SLC11A1: variants seen among roughly 807,000 people sequenced by gnomAD.
SLC11A1 encodes natural resistance-associated macrophage protein 1.
In SLC11A1, 59 loss-of-function variants were observed where a neutral mutation model predicts 63.2. That is an observed-to-expected ratio of 0.93 (90% CI 0.76 to 1.16). The LOEUF (loss-of-function observed/expected upper bound fraction) is 1.16, where lower values mean the gene tolerates loss of function less well. Ranked by LOEUF, SLC11A1 falls within the 50% of genes most tolerant of loss-of-function variation. The pLI is 0.00. For missense variants in SLC11A1, 688 were observed against 730.7 expected (o/e 0.94, Z 0.67); for synonymous variants, 305 against 307.8 (o/e 0.99, Z 0.09).
intron 11 of SLC11A1, among the ~76,000 whole-genome samples, chr2:218,391,947 G>A (rs369558446): frequency 1.1e-4 from 17 of 152,120 alleles, no homozygotes; most frequent in African/African-American, 3.9e-4. Context: ...TAGTAGAGAC[G>A]CAGTTTTGCT....
intron 4 of SLC11A1, 78 bp from the exon 5 acceptor site, chr2:218,386,557 G>A: frequency 3.1e-6 from 3 of 980,140 alleles, no homozygotes; most frequent in Non-Finnish European, 4.7e-6. Context: ...TGTAGTCTGA[G>A]ACGACAGACA....
rs746268442 is a variant in SLC11A1 at position 218,384,382 on chromosome 2, C to T, written c.273+17C>T. ...GGATTCAAAGTAACTAAGTCGGGAC[C>T]TGAGTGGGGACACTTTCGAGAGGGA... On this transcript the variant is annotated intron_variant, in intron 3 of 14. Coordinates refer to ENST00000233202, the MANE Select transcript of SLC11A1 (RefSeq NM_000578.4). The surrounding 1 kb of genome is among the most constrained non-coding windows in gnomAD (Gnocchi z 4.0). The T allele has an allele frequency of 6.3e-7, 1 of 1,590,580 alleles. No homozygotes were observed. Among genetic ancestry groups the T allele is most frequent in the Non-Finnish European group, 8.6e-7 (1 of 1,163,292 alleles).
intron 8 of SLC11A1, chr2:218,388,192 AC>A (rs1696222224): frequency 2.1e-6 from 1 of 480,170 alleles, no homozygotes; most frequent in Admixed American, 4.0e-5. Context: ...ACATGGCGAA[AC>A]CCCGTCTCTA....
At position 218,384,983 on chromosome 2, in the gene SLC11A1, A is replaced by T; in HGVS notation, c.274-164A>T. On this transcript the variant is annotated intron_variant, in intron 3 of 14. Transcript: ENST00000233202. This position sits in a 1 kb window ranked among gnomAD's most constrained non-coding sequence, Gnocchi z 4.0. Reference sequence around the variant, plus strand: ...AGCAATCCTCCCACCTTAGCCTTTTAAAGTGCTGGGATTACAGGGTGAGCT... The same window carrying T: ...AGCAATCCTCCCACCTTAGCCTTTTTAAGTGCTGGGATTACAGGGTGAGCT... 1.2e-6 allele frequency: 1 copy of T among 837,796 alleles called. No individual in the cohort carries two copies. Among genetic ancestry groups the T allele is most frequent in the Non-Finnish European group, 1.8e-6 (1 of 546,896 alleles). The allele number at this position is 837,796 out of a possible 1,614,324, so 51.9% of individuals were successfully genotyped here. A position where few individuals can be genotyped will look rare whatever the true frequency, so the allele number is the denominator to read the frequency against.
In SLC11A1 at chr2:218,382,354, G is replaced by A; in HGVS notation, c.-15G>A. 1 of 1,613,336 alleles carries A rather than the reference G, an allele frequency of 6.2e-7. No individual in the cohort carries two copies. The highest frequency in any genetic ancestry group is 8.5e-7 in the Non-Finnish European group (1 of 1,179,526). On this transcript the variant is annotated 5_prime_UTR_variant, in exon 1 of 15. Transcript: ENST00000233202. ...CACCGCTCACACTCCCAGAGTACCT[G>A]AAGTCGGCATTTCAATGACAGGTGA...
rs747501438 is a variant in SLC11A1, at chr2:218,394,101, C to A, written c.1315-19C>A. On this transcript the variant is annotated intron_variant, in intron 12 of 14. Transcript: ENST00000233202. The stretch of plus-strand genomic sequence containing the variant: ...CTGAGGCAGAATTCCTCAGCCTAGG[C>A]TCCTGCTGCTCTCCCCAGCTCCCGT... The A allele has an allele frequency of 6.2e-7, 1 of 1,613,762 alleles. No homozygotes were observed. The highest frequency in any genetic ancestry group is 1.1e-5 in the South Asian group (1 of 91,050).
At chr2:218,393,474 ATTTTTTTTTT>A (rs34589602) in intron 12 of SLC11A1, among the ~76,000 whole-genome samples, 1 of 130,368 alleles carries the variant, frequency 7.7e-6, no homozygotes, top group Non-Finnish European at 1.6e-5. Context: ...CACCCAGCTA[ATTTTTTTTTT>A]TTTTTTTTTG....
In SLC11A1 at chr2:218,386,694, G is replaced by C. The variant is rs764502812; in HGVS notation, c.453G>C (p.Gln151His). 1.9e-6 allele frequency: 3 copies of C among 1,614,116 alleles called. No individual in the cohort carries two copies. In the East Asian group the frequency reaches 6.7e-5, roughly 36 times the overall value. ...TAGCCATTGTGGGCTCCGACATGCA[G>C]GAAGTCATCGGCACGGCCATTGCAT... ...IELAIVGSDM[Q>H]EVIGTAIAFN... Residue 151 changes from glutamine (Q) to histidine (H), a missense_variant, in exon 5 of 15, where the codon CAG becomes CAC. Gln to His is a conservative substitution (Grantham distance 24). Transcript: ENST00000233202.
chr2:218,390,073 T>C (rs746328705), intron 9 of SLC11A1, 45 bp downstream of exon 9: 3 of 1,579,244 alleles, frequency 1.9e-6, no homozygotes, highest in Non-Finnish European at 2.6e-6. Context: ...CACGTACTCA[T>C]GTCCTGTAAG....
At chr2:218,383,275 G>T (rs947401497) in intron 2 of SLC11A1, 173 bp downstream of exon 2, 2 of 642,534 alleles carry the variant, frequency 3.1e-6, no homozygotes, top group Non-Finnish European at 2.7e-6. Flanking sequence ...CCAGTGCTTA[G>T]CTGGGGTGCT....
At chr2:218,390,443 C>A (rs1041942662) in intron 9 of SLC11A1, among the ~76,000 whole-genome samples, 2 of 152,236 alleles carry the variant, frequency 1.3e-5, no homozygotes, top group Non-Finnish European at 2.9e-5. Context: ...GGAAAAGGAA[C>A]TAGCCAGCTC....
chr2:218,383,288 A>G, intron 2 of SLC11A1, 186 bp downstream of exon 2: 3 of 619,308 alleles, frequency 4.8e-6, no homozygotes, highest in East Asian at 5.6e-5. Flanking sequence ...GGGGTGCTTC[A>G]GTATTTGTCT....
At position 218,394,627 on chromosome 2, in the gene SLC11A1, C is replaced by T; in HGVS notation, c.1389-5C>T. ...CCAGTCCTGAGCCTCTCTCGTGTCCCCCAGGCTGAACAAGGTCGTCACCTC... is the reference window on the plus strand; with the variant it reads ...CCAGTCCTGAGCCTCTCTCGTGTCCTCCAGGCTGAACAAGGTCGTCACCTC... On this transcript the variant is annotated splice_polypyrimidine_tract_variant and splice_region_variant and intron_variant, in intron 13 of 14. Coordinates refer to ENST00000233202, the MANE Select transcript of SLC11A1 (RefSeq NM_000578.4). 6.2e-7 allele frequency: 1 copy of T among 1,613,304 alleles called. No individual in the cohort carries two copies.
chr2:218,382,931 C>G, intron 1 of SLC11A1, 29 bp from the exon 2 acceptor site: 1 of 1,613,746 alleles, frequency 6.2e-7, no homozygotes, highest in Non-Finnish European at 8.5e-7. Context: ...AGAGGCAGGA[C>G]ACTCACCATG....
rs748617679 is a variant in SLC11A1, at chr2:218,387,635, A to G, written c.639+3A>G. On this transcript the variant is annotated splice_donor_region_variant and intron_variant, in intron 7 of 14. Transcript: ENST00000233202. ...TGGCCTTGACCTTTGGCTATGAGGT[A>G]GGAAGCCAGTGCTGCAACCCCACTG... The G allele has an allele frequency of 1.9e-6, 3 of 1,614,072 alleles. No homozygotes were observed. In the South Asian group the frequency reaches 3.3e-5, roughly 18 times the overall value.
intron 11 of SLC11A1, chr2:218,392,652 G>A: frequency 8.5e-6 from 2 of 234,714 alleles, no homozygotes; most frequent in Non-Finnish European, 1.7e-5. Flanking sequence ...CCTTCATGTA[G>A]CCCAGAGGGC....
intron 12 of SLC11A1, among the ~76,000 whole-genome samples, chr2:218,393,475 T>TG (rs1491341569): frequency 1.7e-3 from 12 of 6,988 alleles, no homozygotes; most frequent in African/African-American, 1.7e-3. Flanking sequence ...ACCCAGCTAA[T>TG]TTTTTTTTTT....
intron 14 of SLC11A1, 34 bp from the exon 15 acceptor site, chr2:218,394,891 G>A (rs765753215): frequency 6.2e-7 from 1 of 1,607,194 alleles, no homozygotes; most frequent in South Asian, 1.1e-5. Context: ...AGAGGTCTTG[G>A]CATCTCCCCA....
chr2:218,394,039 C>T (rs937619060), intron 12 of SLC11A1, 81 bp from the exon 13 acceptor site: 9 of 1,450,420 alleles, frequency 6.2e-6, no homozygotes, highest in Non-Finnish European at 7.7e-6. Flanking sequence ...CAGAGGGTGT[C>T]AAGCCACGCC....
Sources: allele counts gnomAD v4.1 joint callset (sites outside exome capture counted in the v4.1 genomes callset), GRCh38; gene constraint gnomAD v4.1.1; non-coding constraint Gnocchi (gnomAD v3.1); transcripts MANE v1.5; gene names NCBI Gene and HGNC (gene_info 2026-07-23, HGNC 2026-07-21).